The following AQP6 variants were observed in gnomAD, a reference collection of about 807,000 sequenced individuals.
AQP6 encodes the protein aquaporin 6.
In AQP6, 14 loss-of-function variants were observed where a neutral mutation model predicts 16.3. The ratio of observed to expected loss-of-function variants is 0.86; its 90% CI spans 0.57 to 1.34. The LOEUF (loss-of-function observed/expected upper bound fraction) is 1.34, where lower values mean the gene tolerates loss of function less well. Ranked by LOEUF, AQP6 falls within the 40% of genes most tolerant of loss-of-function variation. The probability of loss-of-function intolerance (pLI) is 0.00; values close to 1 mark genes in which losing one functional copy is unlikely to be tolerated. For missense variants in AQP6, 331 were observed against 379.7 expected (o/e 0.87, Z 1.07); for synonymous variants, 178 against 166.8 (o/e 1.07, Z -0.52).
chr12:49,975,587 G>GGGGACA lies in AQP6; in HGVS notation c.769_774dup (p.Thr257_Gly258dup), dbSNP rs769985678. 7 of 1,609,772 alleles carry GGGGACA rather than the reference G, an allele frequency of 4.3e-6. No homozygotes were observed. The East Asian group carries it at 1.3e-4, about 31-fold the overall frequency. On this transcript the variant is annotated inframe_insertion, in exon 4 of 4. Transcript: ENST00000315520. The surrounding 1 kb of genome is among the most constrained non-coding windows in gnomAD (Gnocchi z 4.4). ...CTATCCTCACAGGCACCGTAGAGGT[G>GGGGACA]GGGACAGGGGCAGGGGCAGGGGCGG...
At position 49,974,229 on chromosome 12, in the gene AQP6, C is replaced by T. The variant is rs572342792; in HGVS notation, c.403-95C>T. 3.1e-5 allele frequency: 45 copies of T among 1,434,744 alleles called. No individual in the cohort carries two copies. The East Asian group carries it at 9.6e-4, about 31-fold the overall frequency. 88.9% of individuals were successfully genotyped at this position (1,434,744 alleles called of 1,614,324 possible). ...CTGGGCGGCAGTGAGGTGTCACCCC[C>T]CTCCAGCTGAGGAGACCAGGCCCAG... On this transcript the variant is annotated intron_variant, in intron 1 of 3. Transcript: ENST00000315520.
chr12:49,975,965 C>T lies in AQP6; in HGVS notation c.*294C>T, dbSNP rs138170870. On this transcript the variant is annotated 3_prime_UTR_variant, in exon 4 of 4. Coordinates refer to ENST00000315520, the MANE Select transcript of AQP6 (RefSeq NM_001652.4). This position sits in a 1 kb window ranked among gnomAD's most constrained non-coding sequence, Gnocchi z 4.4. ...CACTGGACCCCGTAGGAGTCCTGAC[C>T]CCAGATGCCCAAGTCTTGGGGGAGA... 169 of 267,492 alleles carry T rather than the reference C, an allele frequency of 6.3e-4. No homozygotes were observed. The highest frequency in any genetic ancestry group is 3.4e-3 in the African/African-American group (154 of 45,492). 16.6% of individuals were successfully genotyped at this position (267,492 alleles called of 1,614,324 possible).
chr12:49,974,514 A>T (rs199917900), intron 2 of AQP6, 32 bp downstream of exon 2: 449 of 1,574,890 alleles, frequency 2.9e-4, no homozygotes, highest in Non-Finnish European at 3.6e-4. Context: ...GTGCACATGC[A>T]CACACCGGGT....
chr12:49,973,836 G>A (rs972510105), intron 1 of AQP6: 20 of 1,204,212 alleles, frequency 1.7e-5, no homozygotes, highest in South Asian at 4.3e-5. Flanking sequence ...AGGACCAGGC[G>A]TTTAAGGGTA....
Position 49,977,056 on chromosome 12 carries a change from A to C in AQP6, c.*1385A>C, listed in dbSNP as rs1375242211. The C allele has an allele frequency of 1.4e-6, 1 of 699,326 alleles. No individual in the cohort carries two copies. Among genetic ancestry groups the C allele is most frequent in the Non-Finnish European group, 2.6e-6 (1 of 384,046 alleles). 43.3% of individuals were successfully genotyped at this position (699,326 alleles called of 1,614,324 possible). ...ATGGACACACAATCCTCCTCCAGGG[A>C]CTGCTGTGAAATCAAGAAATCGGAA... On this transcript the variant is annotated 3_prime_UTR_variant, in exon 4 of 4. Coordinates refer to ENST00000315520, the MANE Select transcript of AQP6 (RefSeq NM_001652.4).
In AQP6 at chr12:49,973,298, T is replaced by C. The variant is rs750740886; in HGVS notation, c.125T>C (p.Val42Ala). 2.5e-6 allele frequency: 4 copies of C among 1,613,850 alleles called. No homozygotes were observed. The highest frequency in any genetic ancestry group is 3.4e-6 in the Non-Finnish European group (4 of 1,180,036). Residue 42 changes from valine (V) to alanine (A), a missense_variant, in exon 1 of 4, where the codon GTG (valine) becomes GCG (alanine). Val to Ala is a moderately conservative substitution (Grantham distance 64). Transcript: ENST00000315520. ...ACGGGGCTGTATGTGTTCTTTGGCG[T>C]GGGCTCAGTCATGCGCTGGCCCACA... ...LATGLYVFFG[V>A]GSVMRWPTAL... is the part of the protein sequence containing the mutation.
In AQP6 at chr12:49,975,033, C is replaced by A; in HGVS notation, c.642+207C>A. ...GCAGGAGCTGCAGCCTTGGCCCAGACTTTTAAGTCCTGGCTGTTTCCTTAT... is the reference window on the plus strand; with the variant it reads ...GCAGGAGCTGCAGCCTTGGCCCAGAATTTTAAGTCCTGGCTGTTTCCTTAT... On this transcript the variant is annotated intron_variant, in intron 3 of 3. Transcript: ENST00000315520. This position sits in a 1 kb window ranked among gnomAD's most constrained non-coding sequence, Gnocchi z 4.4. The A allele has an allele frequency of 7.2e-7, 1 of 1,391,324 alleles. No individual in the cohort carries two copies. The highest frequency in any genetic ancestry group is 9.3e-7 in the Non-Finnish European group (1 of 1,076,532). 86.2% of individuals were successfully genotyped at this position (1,391,324 alleles called of 1,614,324 possible). A position where few individuals can be genotyped will look rare whatever the true frequency, so the allele number is the denominator to read the frequency against.
At chr12:49,974,211 G>A in intron 1 of AQP6, 113 bp from the exon 2 acceptor site, 1 of 1,419,014 alleles carries the variant, frequency 7.0e-7, no homozygotes, top group Admixed American at 2.5e-5. Context: ...AAGCTGGGCG[G>A]CAGTGAGGTG....
chr12:49,973,607 G>A (rs1297670215), intron 1 of AQP6, 32 bp downstream of exon 1: 3 of 1,554,112 alleles, frequency 1.9e-6, no homozygotes, highest in Non-Finnish European at 2.6e-6. Flanking sequence ...TGGAGGGCCA[G>A]GAGGCGGGAA....
rs1480323660 is a variant in AQP6, at chr12:49,975,234, CG to C, written c.643-229del. 2.3e-5 allele frequency: 31 copies of C among 1,326,780 alleles called. No homozygotes were observed. In the East Asian group the frequency reaches 9.1e-4, roughly 39 times the overall value. The allele number at this position is 1,326,780 out of a possible 1,614,324, so 82.2% of individuals were successfully genotyped here. ...GGAGACTGGCCCCAGGCCCCAGCCA[CG>C]GCTGCAGAGCCTGGGCTCAGCCCCA... On this transcript the variant is annotated intron_variant, in intron 3 of 3. Coordinates refer to ENST00000315520, the MANE Select transcript of AQP6 (RefSeq NM_001652.4). This position sits in a 1 kb window ranked among gnomAD's most constrained non-coding sequence, Gnocchi z 4.4.
In AQP6 at chr12:49,974,448, T is replaced by C. The variant is rs772385525; in HGVS notation, c.527T>C (p.Ile176Thr). ...ACATCAGGCTCCCCGGCCACCATGA[T>C]TGGGATCTCTGTGGCACTGGGCCAC... is the stretch of plus-strand genomic sequence containing the variant. ...RQTSGSPATM[I>T]GISVALGHLI... The change falls in exon 2 of 4, where the codon ATT becomes ACT. Residue 176 changes from isoleucine to threonine, a missense_variant. Transcript: ENST00000315520. 1.9e-6 allele frequency: 3 copies of C among 1,612,040 alleles called. No individual in the cohort carries two copies. The highest frequency in any genetic ancestry group is 2.5e-6 in the Non-Finnish European group (3 of 1,178,772).
At chr12:49,974,022 C>T (rs777084524) in intron 1 of AQP6, 2 of 1,190,200 alleles carry the variant, frequency 1.7e-6, no homozygotes, top group Non-Finnish European at 2.1e-6. Flanking sequence ...CTGTGTTCCA[C>T]CTTCTTCCCC....
Position 49,974,792 on chromosome 12 carries a change from C to G in AQP6, c.608C>G (p.Pro203Arg). The stretch of plus-strand genomic sequence containing the variant: ...ATGAATCCAGCCCGCTCCTTCGGCC[C>G]TGCCATCATCATTGGGAAGTTCACA... ...CSMNPARSFG[P>R]AIIIGKFTVH... Residue 203 changes from proline (P) to arginine (R), a missense_variant, in exon 3 of 4, where the codon CCT becomes CGT. Transcript: ENST00000315520. 6.2e-7 allele frequency: 1 copy of G among 1,614,228 alleles called. No individual in the cohort carries two copies. The highest frequency in any genetic ancestry group is 1.1e-5 in the South Asian group (1 of 91,092).
Position 49,975,643 on chromosome 12 carries a change from CG to C in AQP6, c.824del (p.Gly275GlufsTer60). 6.3e-7 allele frequency: 1 copy of C among 1,586,884 alleles called. No homozygotes were observed. ...CTGAAGAAGGAATCCCAGCCGGGTT[CG>C]GGAGCCGTGGAGATGGAGAGTGTGT... ...EPLKKESQPG[S>X]GAVEMESV On this transcript the variant is annotated frameshift_variant, in exon 4 of 4. Transcript: ENST00000315520. LOFTEE classifies it high-confidence loss of function. This position sits in a 1 kb window ranked among gnomAD's most constrained non-coding sequence, Gnocchi z 4.4.
Position 49,975,733 on chromosome 12 carries a change from T to G in AQP6, c.*62T>G. 6 of 1,402,600 alleles carry G rather than the reference T, an allele frequency of 4.3e-6. No homozygotes were observed. The highest frequency in any genetic ancestry group is 2.8e-5 in the East Asian group (1 of 36,034). The allele number at this position is 1,402,600 out of a possible 1,614,324, so 86.9% of individuals were successfully genotyped here. A position where few individuals can be genotyped will look rare whatever the true frequency, so the allele number is the denominator to read the frequency against. The stretch of plus-strand genomic sequence containing the variant: ...CCTTGCAGGACCTGCCTGGAGGTTC[T>G]CCCTGGGGGTGGCGGGAGGGGGAGG... On this transcript the variant is annotated 3_prime_UTR_variant, in exon 4 of 4. Coordinates refer to ENST00000315520, the MANE Select transcript of AQP6 (RefSeq NM_001652.4). The surrounding 1 kb of genome is among the most constrained non-coding windows in gnomAD (Gnocchi z 4.4).
In AQP6 at chr12:49,973,083, G is replaced by A; in HGVS notation, c.-91G>A. The A allele has an allele frequency of 6.8e-7, 1 of 1,466,648 alleles. No individual in the cohort carries two copies. The highest frequency in any genetic ancestry group is 9.0e-7 in the Non-Finnish European group (1 of 1,112,070). 90.9% of individuals were successfully genotyped at this position (1,466,648 alleles called of 1,614,324 possible). On this transcript the variant is annotated 5_prime_UTR_variant, in exon 1 of 4. Coordinates refer to ENST00000315520, the MANE Select transcript of AQP6 (RefSeq NM_001652.4). Reference sequence around the variant, plus strand: ...AGAGCAAAAGCCAGGGTCAGCCAGAGACAGGACACCAGAAGAGACAGGAGA... The same window carrying A: ...AGAGCAAAAGCCAGGGTCAGCCAGAAACAGGACACCAGAAGAGACAGGAGA...
At chr12:49,973,802 GC>G in intron 1 of AQP6, 1 of 1,105,336 alleles carries the variant, frequency 9.0e-7, no homozygotes, top group Non-Finnish European at 1.2e-6. Flanking sequence ...GAAGGAAGAG[GC>G]CACATAAAGG....
Position 49,975,379 on chromosome 12 carries a change from C to T in AQP6, c.643-86C>T, listed in dbSNP as rs551312689. On this transcript the variant is annotated intron_variant, in intron 3 of 3. Coordinates refer to ENST00000315520, the MANE Select transcript of AQP6 (RefSeq NM_001652.4). This position sits in a 1 kb window ranked among gnomAD's most constrained non-coding sequence, Gnocchi z 4.4. ...TTGAGGGAGACCTGGGAGATCAAGT[C>T]GGCACTGGGGAAGCAGGCAGCGGTC... The T allele has an allele frequency of 2.8e-5, 42 of 1,507,424 alleles. No individual in the cohort carries two copies. In the African/African-American group the frequency reaches 4.9e-4, roughly 18 times the overall value. 93.4% of individuals were successfully genotyped at this position (1,507,424 alleles called of 1,614,324 possible). A position where few individuals can be genotyped will look rare whatever the true frequency, so the allele number is the denominator to read the frequency against.
In AQP6 at chr12:49,976,891, C is replaced by T. The variant is rs551064262; in HGVS notation, c.*1220C>T. The T allele has an allele frequency of 7.4e-4, 514 of 695,498 alleles. 5 individuals carry two copies. Among genetic ancestry groups the T allele is most frequent in the South Asian group, 7.2e-3 (484 of 66,778 alleles). 43.1% of individuals were successfully genotyped at this position (695,498 alleles called of 1,614,324 possible). On this transcript the variant is annotated 3_prime_UTR_variant, in exon 4 of 4. Transcript: ENST00000315520. ...AGGGTGGTAGGAACCCAGGAGGGAC[C>T]CAGGAAACTAAGATTTGAGATTCAG...
Sources: gnomAD v4.1 joint callset for allele counts on GRCh38, gnomAD v4.1.1 for gene constraint, Gnocchi (gnomAD v3.1) non-coding constraint, MANE v1.5 for transcripts, NCBI Gene and HGNC (gene_info 2026-07-23, HGNC 2026-07-21) for gene names.